HTR7: variants seen among roughly 807,000 people sequenced by gnomAD.
HTR7 encodes the protein 5-hydroxytryptamine receptor 7.
HTR7 carries 16 observed loss-of-function variants against 34.0 expected under a neutral mutation model. The observed-to-expected ratio is 0.47, with a 90% CI of 0.32 to 0.71. The LOEUF is 0.71. Among genes scored for constraint, HTR7 ranks in the 30% least tolerant of loss-of-function variants. The probability of loss-of-function intolerance (pLI) is 0.04; values close to 1 mark genes in which losing one functional copy is unlikely to be tolerated. For synonymous variants in HTR7, 265 were observed against 260.2 expected (o/e 1.02, Z -0.18); for missense variants, 504 against 625.5 (o/e 0.81, Z 2.07).
chr10:90,751,403 T>C (rs188555273), intron 1 of HTR7, among the ~76,000 whole-genome samples: 29 of 152,244 alleles, frequency 1.9e-4, no homozygotes, highest in African/African-American at 6.5e-4. Flanking sequence ...CCTTCCTTAT[T>C]TCCCCAGCAG....
intron 1 of HTR7, among the ~76,000 whole-genome samples, chr10:90,842,577 A>G (rs1846345893): frequency 6.6e-6 from 1 of 152,150 alleles, no homozygotes; most frequent in South Asian, 2.1e-4. Context: ...GAGATGAATC[A>G]TGCATAGCCC....
intron 1 of HTR7, among the ~76,000 whole-genome samples, chr10:90,827,097 G>C (rs1018140443): frequency 1.3e-5 from 2 of 151,674 alleles, no homozygotes; most frequent in African/African-American, 2.4e-5. Context: ...CATACCACTA[G>C]AGAAAATAAC....
chr10:90,798,628 C>A lies in HTR7; in HGVS notation c.540-49034G>T, dbSNP rs571770478. Reference sequence around the variant, plus strand: ...AACTCAGGGACCAAGGTGGGAGGATCTCTTTAGCCCAGGAGGTTGAGGCTG... The same window carrying A: ...AACTCAGGGACCAAGGTGGGAGGATATCTTTAGCCCAGGAGGTTGAGGCTG... On this transcript the variant is annotated intron_variant, in intron 1 of 3. Transcript: ENST00000336152. Among the ~76,000 whole-genome samples, 321 of 152,282 alleles carry A rather than the reference C, an allele frequency of 2.1e-3. 1 individual carries two copies. Among genetic ancestry groups the A allele is most frequent in the Middle Eastern group, 0.01 (3 of 294 alleles).
chr10:90,837,958 T>C (rs1012366319), intron 1 of HTR7, among the ~76,000 whole-genome samples: 17 of 152,230 alleles, frequency 1.1e-4, no homozygotes, highest in African/African-American at 3.9e-4. Flanking sequence ...TGACAGGTGT[T>C]CCTCATATCG....
intron 1 of HTR7, among the ~76,000 whole-genome samples, chr10:90,794,183 C>A (rs1270737075): frequency 6.6e-6 from 1 of 151,836 alleles, no homozygotes; most frequent in East Asian, 1.9e-4. Flanking sequence ...TTAGCCTCGG[C>A]CTACACAGGG....
At chr10:90,818,282 G>A (rs1564692559) in intron 1 of HTR7, among the ~76,000 whole-genome samples, 1 of 152,206 alleles carries the variant, frequency 6.6e-6, no homozygotes, top group African/African-American at 2.4e-5. Flanking sequence ...TTTGCAACTG[G>A]TGCAGTGGCT....
At chr10:90,831,600 T>C (rs1846180444) in intron 1 of HTR7, among the ~76,000 whole-genome samples, 1 of 152,228 alleles carries the variant, frequency 6.6e-6, no homozygotes, top group Non-Finnish European at 1.5e-5. Flanking sequence ...TCGCGCAGCC[T>C]GCTTTTATTC....
intron 2 of HTR7, among the ~76,000 whole-genome samples, chr10:90,744,287 A>G (rs1844601572): frequency 1.3e-5 from 2 of 150,092 alleles, no homozygotes; most frequent in East Asian, 2.0e-4. Flanking sequence ...AAAAGCTTCC[A>G]GAGACTTCAA....
intron 1 of HTR7, among the ~76,000 whole-genome samples, chr10:90,789,185 C>T (rs1845428725): frequency 6.6e-6 from 1 of 152,132 alleles, no homozygotes; most frequent in African/African-American, 2.4e-5. Context: ...GAAACAAATA[C>T]CATTTCCTTC....
intron 1 of HTR7, among the ~76,000 whole-genome samples, chr10:90,778,142 T>C (rs1162198631): frequency 6.6e-6 from 1 of 152,182 alleles, no homozygotes; most frequent in Non-Finnish European, 1.5e-5. Context: ...CATAATGAGC[T>C]CTTGATTATC....
At chr10:90,790,245 A>G (rs1845443190) in intron 1 of HTR7, among the ~76,000 whole-genome samples, 1 of 152,210 alleles carries the variant, frequency 6.6e-6, no homozygotes, top group Admixed American at 6.5e-5. Context: ...GTTCTTTATC[A>G]AATTTTAATA....
chr10:90,827,844 C>T (rs1846103129), intron 1 of HTR7, among the ~76,000 whole-genome samples: 1 of 152,124 alleles, frequency 6.6e-6, no homozygotes, highest in Non-Finnish European at 1.5e-5. Context: ...CAACAAAGAA[C>T]TTAATCTGCA....
In HTR7 at chr10:90,813,670, A is replaced by G. The variant is rs544601825; in HGVS notation, c.539+43463T>C. Among the ~76,000 whole-genome samples, 7 of 152,336 alleles carry G rather than the reference A, an allele frequency of 4.6e-5. No homozygotes were observed. The South Asian group carries it at 1.0e-3, about 23-fold the overall frequency. On this transcript the variant is annotated intron_variant, in intron 1 of 3. Transcript: ENST00000336152. The stretch of plus-strand genomic sequence containing the variant: ...AGCTGCAGACATAGACACACAAGCT[A>G]GAAGCTTGCAAGGGTGAATGCCAGC...
chr10:90,853,546 C>A (rs1330622858), intron 1 of HTR7, among the ~76,000 whole-genome samples: 1 of 151,618 alleles, frequency 6.6e-6, no homozygotes, highest in African/African-American at 2.4e-5. Context: ...CTCCAGCAAT[C>A]CTCCAGCCTC....
chr10:90,749,422 C>T lies in HTR7; in HGVS notation c.712G>A (p.Gly238Ser). Residue 238 changes from glycine (G) to serine (S), a missense_variant, in exon 2 of 4, where the codon GGC becomes AGC. Around this residue, in one of 4 missense-constraint regions of HTR7, gnomAD observed 154 missense variants for 248.8 expected, o/e 0.62. Coordinates refer to ENST00000336152, the MANE Select transcript of HTR7 (RefSeq NM_019859.4). The surrounding 1 kb of genome is among the most constrained non-coding windows in gnomAD (Gnocchi z 4.2). ...ACTGCGGTAGAGTAAATCGTATAGC[C>T]AAAGTCCTGGCTGATCAAGCACACC... ...DKVCLISQDF[G>S]YTIYSTAVAF... 1 of 1,614,152 alleles carries T rather than the reference C, an allele frequency of 6.2e-7. No individual in the cohort carries two copies. The highest frequency in any genetic ancestry group is 1.3e-5 in the African/African-American group (1 of 75,038).
At chr10:90,765,898 T>C (rs1207892982) in intron 1 of HTR7, among the ~76,000 whole-genome samples, 7 of 152,228 alleles carry the variant, frequency 4.6e-5, no homozygotes, top group African/African-American at 1.4e-4. Flanking sequence ...TGATATGATA[T>C]TAATCTTCTT....
chr10:90,811,222 A>T (rs1007681363), intron 1 of HTR7, among the ~76,000 whole-genome samples: 1 of 152,156 alleles, frequency 6.6e-6, no homozygotes, highest in African/African-American at 2.4e-5. Flanking sequence ...TTGTCCAAAC[A>T]ACTTGACCTT....
rs755775005 is a variant in HTR7, at chr10:90,749,050, G to A, written c.1084C>T (p.Pro362Ser). 8 of 1,614,042 alleles carry A rather than the reference G, an allele frequency of 5.0e-6. No individual in the cohort carries two copies. The South Asian group carries it at 8.8e-5, about 18-fold the overall frequency. The change falls in exon 2 of 4, where the codon CCA (proline) becomes TCA (serine). Residue 362 changes from proline (P) to serine (S), a missense_variant. Transcript: ENST00000336152. This position sits in a 1 kb window ranked among gnomAD's most constrained non-coding sequence, Gnocchi z 4.2. ...AGAAATGTCCTCTCCACCCACAGTG[G>A]GATGCAGCTGCAGGAAGTGCCACAG... The part of the protein sequence containing the change: ...FICGTSCSCI[P>S]LWVERTFLWL...
intron 2 of HTR7, among the ~76,000 whole-genome samples, chr10:90,745,119 A>G (rs1356067582): frequency 1.3e-5 from 2 of 152,198 alleles, no homozygotes; most frequent in Non-Finnish European, 2.9e-5. Flanking sequence ...CTTATTACAG[A>G]AAGGTTGCCA....
Sources: gnomAD v4.1 joint callset for allele counts (sites outside exome capture counted in the v4.1 genomes callset) on GRCh38, gnomAD v4.1.1 for gene constraint, gnomAD v4.1.1 regional missense constraint, Gnocchi (gnomAD v3.1) non-coding constraint, MANE v1.5 for transcripts, NCBI Gene and HGNC (gene_info 2026-07-23, HGNC 2026-07-21) for gene names.